LRP1B: variants seen among roughly 807,000 people sequenced by gnomAD.
LRP1B encodes the protein low-density lipoprotein receptor-related protein 1B.
Under a neutral mutation model 556.6 loss-of-function variants are expected in LRP1B, and 217 were observed. That is an observed-to-expected ratio of 0.39 (90% CI 0.35 to 0.44). The LOEUF (loss-of-function observed/expected upper bound fraction) is 0.44. LRP1B is among the 20% of genes least tolerant of loss of function. The probability of loss-of-function intolerance (pLI) is 1.00; values close to 1 mark genes in which losing one functional copy is unlikely to be tolerated. For synonymous variants in LRP1B, 2,047 were observed against 1,865.8 expected (o/e 1.10, Z -2.50); for missense variants, 5,053 against 5,620.8 (o/e 0.90, Z 3.23).
intron 85 of LRP1B, 119 bp from the exon 86 acceptor site, chr2:140,270,465 G>GT: frequency 3.2e-6 from 2 of 630,506 alleles, no homozygotes; most frequent in Non-Finnish European, 5.7e-6. Flanking sequence ...GGAGTGGCTG[G>GT]TTAAAAGGAA....
chr2:140,692,551 C>A (rs1257183909), intron 41 of LRP1B, among the ~76,000 whole-genome samples: 1 of 150,214 alleles, frequency 6.7e-6, no homozygotes, highest in Non-Finnish European at 1.5e-5. Context: ...GTGGAAAAAT[C>A]TCACTGTTTC....
In LRP1B at chr2:140,886,168, T is replaced by C. The variant is rs777631846; in HGVS notation, c.3934A>G (p.Ile1312Val). The C allele has an allele frequency of 1.9e-5, 30 of 1,608,046 alleles. No homozygotes were observed. Among genetic ancestry groups the C allele is most frequent in the Non-Finnish European group, 2.5e-5 (29 of 1,176,358 alleles). The change falls in exon 24 of 91, where the codon ATA becomes GTA. Residue 1312 changes from isoleucine (I) to valine (V), a missense_variant. Around this residue, in one of 5 missense-constraint regions of LRP1B, gnomAD observed 3,619 missense variants for 3,931.9 expected, o/e 0.92. Transcript: ENST00000389484. Reference sequence around the variant, plus strand: ...CTTTCAGAAAGCTTTCCCCGGTATATTCTGTCTTCTACAACATCTGTCCAA... The same window carrying C: ...CTTTCAGAAAGCTTTCCCCGGTATACTCTGTCTTCTACAACATCTGTCCAA... ...LYWTDVVEDR[I>V]YRGKLSESGG...
intron 11 of LRP1B, among the ~76,000 whole-genome samples, chr2:141,029,780 C>T (rs113031711): frequency 9.2e-5 from 14 of 152,206 alleles, no homozygotes; most frequent in African/African-American, 2.4e-4. Flanking sequence ...AATGCAGTGG[C>T]GGCAGGTTTA....
intron 63 of LRP1B, among the ~76,000 whole-genome samples, chr2:140,448,462 G>T (rs1029785938): frequency 6.6e-6 from 1 of 152,004 alleles, no homozygotes; most frequent in African/African-American, 2.4e-5. Flanking sequence ...TGACAGCATG[G>T]ATGAACCTGG....
At chr2:142,006,277 A>T (rs1016600770) in intron 1 of LRP1B, among the ~76,000 whole-genome samples, 1 of 152,190 alleles carries the variant, frequency 6.6e-6, no homozygotes, top group Non-Finnish European at 1.5e-5. Flanking sequence ...TTTTACACTA[A>T]TTACAAATAT....
At chr2:141,183,469 T>G (rs952663473) in intron 7 of LRP1B, among the ~76,000 whole-genome samples, 1 of 152,052 alleles carries the variant, frequency 6.6e-6, no homozygotes, top group Admixed American at 6.6e-5. Flanking sequence ...TTTTAAACTC[T>G]TCAATACTGT....
intron 59 of LRP1B, among the ~76,000 whole-genome samples, chr2:140,482,953 A>C (rs191107601): frequency 1.3e-5 from 2 of 152,228 alleles, no homozygotes; most frequent in East Asian, 3.9e-4. Context: ...TTAAGTTTTC[A>C]TTTTTTGAAG....
intron 83 of LRP1B, among the ~76,000 whole-genome samples, chr2:140,311,007 C>A (rs1684272974): frequency 6.6e-6 from 1 of 151,570 alleles, no homozygotes; most frequent in South Asian, 2.1e-4. Flanking sequence ...AGAATGGCTA[C>A]TATTAAAAAG....
chr2:141,474,627 A>G (rs1682630901), intron 3 of LRP1B, among the ~76,000 whole-genome samples: 1 of 152,358 alleles, frequency 6.6e-6, no homozygotes, highest in Admixed American at 6.5e-5. Context: ...AATCAAATGT[A>G]ATTTAAAAGT....
chr2:141,608,681 G>A (rs949890928), intron 2 of LRP1B, among the ~76,000 whole-genome samples: 1 of 151,928 alleles, frequency 6.6e-6, no homozygotes, highest in African/African-American at 2.4e-5. Flanking sequence ...AAATATATAG[G>A]CACTTAATTT....
intron 31 of LRP1B, among the ~76,000 whole-genome samples, chr2:140,824,250 C>CT (rs961316639): frequency 2.5e-4 from 38 of 151,768 alleles, no homozygotes; most frequent in African/African-American, 5.1e-4. Context: ...TGAAAATACT[C>CT]TTTTTTTTAA....
chr2:140,547,798 T>G lies in LRP1B; in HGVS notation c.7195-5827A>C, dbSNP rs73961426. Among the ~76,000 whole-genome samples, 924 of 152,044 alleles carry G rather than the reference T, an allele frequency of 6.1e-3. 8 individuals are homozygous for G. Among genetic ancestry groups the G allele is most frequent in the African/African-American group, 0.022 (891 of 41,408 alleles). On this transcript the variant is annotated intron_variant, in intron 43 of 90. Coordinates refer to ENST00000389484, the MANE Select transcript of LRP1B (RefSeq NM_018557.3). ...AGTATCCACTTTAGAACTATAGACTTTTGTGATTTCCGCTTGCAGAGTTGT... is the reference window on the plus strand; with the variant it reads ...AGTATCCACTTTAGAACTATAGACTGTTGTGATTTCCGCTTGCAGAGTTGT...
At chr2:141,588,217 T>C (rs1687209104) in intron 2 of LRP1B, among the ~76,000 whole-genome samples, 1 of 151,296 alleles carries the variant, frequency 6.6e-6, no homozygotes, top group Non-Finnish European at 1.5e-5. Flanking sequence ...AAATTTGTCT[T>C]CATTAATCCC....
At chr2:140,998,724 T>G (rs1697325556) in intron 15 of LRP1B, among the ~76,000 whole-genome samples, 2 of 152,134 alleles carry the variant, frequency 1.3e-5, no homozygotes, top group African/African-American at 4.8e-5. Context: ...TGGCATAGCC[T>G]TATGTTGCAA....
intron 14 of LRP1B, among the ~76,000 whole-genome samples, chr2:141,007,620 T>C (rs1697615266): frequency 6.6e-6 from 1 of 151,720 alleles, no homozygotes; most frequent in East Asian, 1.9e-4. Flanking sequence ...GTACACATTC[T>C]GTACAGGATG....
intron 35 of LRP1B, among the ~76,000 whole-genome samples, chr2:140,745,155 G>A (rs954896811): frequency 6.6e-6 from 1 of 152,246 alleles, no homozygotes; most frequent in South Asian, 2.1e-4. Context: ...ATATGCAAAT[G>A]TTGTAGCCCT....
At chr2:141,347,930 C>T (rs557957974) in intron 3 of LRP1B, among the ~76,000 whole-genome samples, 4 of 152,124 alleles carry the variant, frequency 2.6e-5, no homozygotes, top group African/African-American at 9.6e-5. Context: ...TAAAATATGT[C>T]TAAAACATTT....
intron 47 of LRP1B, among the ~76,000 whole-genome samples, chr2:140,530,532 G>A (rs544741300): frequency 3.7e-4 from 56 of 152,016 alleles, no homozygotes; most frequent in Non-Finnish European, 6.8e-4. Flanking sequence ...ACTCTACAAG[G>A]ACACTATGTT....
At chr2:140,255,047 TA>T (rs1681616312) in intron 86 of LRP1B, among the ~76,000 whole-genome samples, 2 of 152,284 alleles carry the variant, frequency 1.3e-5, no homozygotes, top group South Asian at 4.1e-4. Context: ...AAAATTGAAA[TA>T]AACTGAGATA....
Sources: gnomAD v4.1 joint callset for allele counts (sites outside exome capture counted in the v4.1 genomes callset) on GRCh38, gnomAD v4.1.1 for gene constraint, gnomAD v4.1.1 regional missense constraint, MANE v1.5 for transcripts, NCBI Gene and HGNC (gene_info 2026-07-23, HGNC 2026-07-21) for gene names.